The following TM2D1 variants were observed in gnomAD, a reference collection of about 807,000 sequenced individuals.
TM2D1 encodes the protein TM2 domain containing 1.
In TM2D1, 15 loss-of-function variants were observed where a neutral mutation model predicts 28.4. That is an observed-to-expected ratio of 0.53 (90% CI 0.35 to 0.81). The LOEUF (loss-of-function observed/expected upper bound fraction) is 0.81, where lower values mean the gene tolerates loss of function less well. Among genes scored for constraint, TM2D1 ranks in the 40% least tolerant of loss-of-function variants. The probability of loss-of-function intolerance (pLI) is 0.01; values close to 1 mark genes in which losing one functional copy is unlikely to be tolerated. For missense variants in TM2D1, 236 were observed against 254.9 expected (o/e 0.93, Z 0.50); for synonymous variants, 93 against 96.2 (o/e 0.97, Z 0.20).
chr1:61,686,836 T>C (rs997129853), intron 5 of TM2D1: 17 of 970,506 alleles, frequency 1.8e-5, no homozygotes, highest in East Asian at 1.1e-4. Context: ...GGCAGGAAGA[T>C]TGTTTGAACC....
At chr1:61,701,233 C>G (rs2148048495) in intron 3 of TM2D1, among the ~76,000 whole-genome samples, 1 of 143,686 alleles carries the variant, frequency 7.0e-6, no homozygotes, top group African/African-American at 2.6e-5. Context: ...AGCTTACAGG[C>G]TGGTGGTAAC....
At chr1:61,721,648 G>A (rs1285624580) in intron 2 of TM2D1, among the ~76,000 whole-genome samples, 1 of 151,682 alleles carries the variant, frequency 6.6e-6, no homozygotes, top group Non-Finnish European at 1.5e-5. Flanking sequence ...AATAATTTTG[G>A]CTGGAAGAAT....
intron 1 of TM2D1, 47 bp downstream of exon 1, chr1:61,724,910 C>A (rs1257735157): frequency 6.5e-7 from 1 of 1,534,176 alleles, no homozygotes; most frequent in Admixed American, 2.0e-5. Context: ...ACCTGCGACC[C>A]CAACTCTACC....
chr1:61,718,741 C>T (rs896978932), intron 2 of TM2D1, among the ~76,000 whole-genome samples: 1 of 152,122 alleles, frequency 6.6e-6, no homozygotes, highest in Non-Finnish European at 1.5e-5. Flanking sequence ...GAATGTATAT[C>T]CTAAGTCTAA....
At chr1:61,707,594 C>T (rs979930399) in intron 3 of TM2D1, among the ~76,000 whole-genome samples, 11 of 152,120 alleles carry the variant, frequency 7.2e-5, no homozygotes, top group African/African-American at 2.7e-4. Flanking sequence ...AAAAAGAAAT[C>T]ATATCTAAGT....
At chr1:61,699,878 G>C (rs1441177730) in intron 4 of TM2D1, 1 of 249,716 alleles carries the variant, frequency 4.0e-6, no homozygotes, top group African/African-American at 2.2e-5. Flanking sequence ...CTTTTACTTA[G>C]GAACTTACAA....
chr1:61,723,990 T>C (rs1019252805), intron 1 of TM2D1, among the ~76,000 whole-genome samples: 15 of 151,908 alleles, frequency 9.9e-5, no homozygotes, highest in Non-Finnish European at 2.9e-5. Context: ...AGCCCAGGAG[T>C]TTGGGAAGAA....
chr1:61,718,661 A>C (rs1276116275), intron 2 of TM2D1, among the ~76,000 whole-genome samples: 1 of 152,234 alleles, frequency 6.6e-6, no homozygotes, highest in East Asian at 1.9e-4. Context: ...AGAAAGAGAT[A>C]GTTATCATAT....
intron 5 of TM2D1, among the ~76,000 whole-genome samples, chr1:61,690,413 C>T (rs1310075879): frequency 1.4e-4 from 18 of 125,542 alleles, no homozygotes; most frequent in African/African-American, 4.5e-4. Flanking sequence ...GCCGAGATTG[C>T]GCCACTGTAC....
rs747295691 is a variant in TM2D1, at chr1:61,701,028, G to A, written c.348-3C>T. 2.5e-6 allele frequency: 4 copies of A among 1,601,098 alleles called. No individual in the cohort carries two copies. The South Asian group carries it at 3.4e-5, about 14-fold the overall frequency. ...CCACTTTGTAGGAATAGCCATTTCT[G>A]CAAAAAATTAAAATCTGAGTATCAT... On this transcript the variant is annotated splice_polypyrimidine_tract_variant and splice_region_variant and intron_variant, in intron 3 of 6. Transcript: ENST00000606498.
chr1:61,722,860 T>A lies in TM2D1; in HGVS notation c.238+853A>T, dbSNP rs374770690. On this transcript the variant is annotated intron_variant, in intron 2 of 6. Coordinates refer to ENST00000606498, the MANE Select transcript of TM2D1 (RefSeq NM_032027.3). ...ATGAAAGATGCTAGAAATCTGTGAA[T>A]ACTAGTGTAACTCAAGCATCTCACT... Among the ~76,000 whole-genome samples the A allele has an allele frequency of 2.2e-4, 33 of 152,320 alleles. No individual in the cohort carries two copies. The South Asian group carries it at 5.0e-3, about 23-fold the overall frequency.
intron 2 of TM2D1, among the ~76,000 whole-genome samples, chr1:61,714,559 T>C (rs1644503114): frequency 6.6e-6 from 1 of 152,102 alleles, no homozygotes; most frequent in Admixed American, 6.6e-5. Context: ...TAAAGAGCCC[T>C]TTCTTTCGCT....
chr1:61,707,537 G>C (rs186363531), intron 3 of TM2D1, among the ~76,000 whole-genome samples: 207 of 152,054 alleles, frequency 1.4e-3, no homozygotes, highest in African/African-American at 4.9e-3. Flanking sequence ...TATAAATTTA[G>C]GTATTGACTA....
At chr1:61,697,346 T>C (rs1644370687) in intron 4 of TM2D1, among the ~76,000 whole-genome samples, 1 of 152,020 alleles carries the variant, frequency 6.6e-6, no homozygotes. Context: ...TTTCTCCTTC[T>C]TTCCTTCTTC....
intron 2 of TM2D1, among the ~76,000 whole-genome samples, chr1:61,711,051 C>T (rs566681663): frequency 6.6e-6 from 1 of 152,164 alleles, no homozygotes; most frequent in South Asian, 2.1e-4. Flanking sequence ...AAAGGGCGGT[C>T]GGGCGCGGTG....
At chr1:61,688,059 T>C (rs1644296003) in intron 5 of TM2D1, among the ~76,000 whole-genome samples, 1 of 152,276 alleles carries the variant, frequency 6.6e-6, no homozygotes, top group Non-Finnish European at 1.5e-5. Context: ...CCAGAATTTA[T>C]GCATTCAGAA....
At chr1:61,689,289 T>C (rs1371261121) in intron 5 of TM2D1, among the ~76,000 whole-genome samples, 1 of 152,162 alleles carries the variant, frequency 6.6e-6, no homozygotes, top group Non-Finnish European at 1.5e-5. Context: ...GTTCGTAAAA[T>C]GCAAAGATTT....
intron 3 of TM2D1, among the ~76,000 whole-genome samples, chr1:61,706,711 G>C (rs987036005): frequency 2.0e-5 from 3 of 151,782 alleles, no homozygotes; most frequent in Non-Finnish European, 4.4e-5. Context: ...GGGAGGCTGA[G>C]GCAGGAGATC....
chr1:61,691,534 G>T (rs1156806146), intron 5 of TM2D1, among the ~76,000 whole-genome samples: 10 of 144,050 alleles, frequency 6.9e-5, no homozygotes, highest in African/African-American at 2.6e-4. Context: ...TTGTGTGAAT[G>T]AGGAAAGAGG....
Sources: gnomAD v4.1 joint callset for allele counts (sites outside exome capture counted in the v4.1 genomes callset) on GRCh38, gnomAD v4.1.1 for gene constraint, MANE v1.5 for transcripts, NCBI Gene and HGNC (gene_info 2026-07-23, HGNC 2026-07-21) for gene names.